Variants in ADAMTSL2 observed in about 807,000 individuals in gnomAD.
The protein encoded by ADAMTSL2 is ADAMTS-like protein 2.
A neutral mutation model predicts 117.0 loss-of-function variants in ADAMTSL2; 55 were observed. That is an observed-to-expected ratio of 0.47 (90% CI 0.38 to 0.59). The LOEUF (loss-of-function observed/expected upper bound fraction) is 0.59, where lower values mean the gene tolerates loss of function less well. Ranked by LOEUF, ADAMTSL2 falls within the 20% of genes least tolerant of loss-of-function variation. ADAMTSL2 has a pLI of 0.00. For synonymous variants in ADAMTSL2, 572 were observed against 566.4 expected (o/e 1.01, Z -0.14); for missense variants, 1,182 against 1,354.5 (o/e 0.87, Z 2.00).
Position 133,544,498 on chromosome 9 carries a change from T to G in ADAMTSL2, c.711T>G (p.Ala237=). 6.2e-7 allele frequency: 1 copy of G among 1,614,208 alleles called. No individual in the cohort carries two copies. Among genetic ancestry groups the G allele is most frequent in the Middle Eastern group, 1.7e-4 (1 of 6,060 alleles). Residue 237 remains alanine, a synonymous_variant, in exon 8 of 19, where the codon GCT becomes GCG. Coordinates refer to ENST00000651351, the MANE Select transcript of ADAMTSL2 (RefSeq NM_014694.4). ...ACTCTCTGGTGACCCACATCCCGGC[T>G]GGTGCCCGAGACATCCAGATTGTAG... is the stretch of plus-strand genomic sequence containing the variant. The part of the protein sequence containing the change: ...LGYSLVTHIP[A]GARDIQIVER...
chr9:133,555,600 A>G lies in ADAMTSL2; in HGVS notation c.1319A>G (p.Asp440Gly). 6.2e-7 allele frequency: 1 copy of G among 1,613,252 alleles called. No individual in the cohort carries two copies. Among genetic ancestry groups the G allele is most frequent in the East Asian group, 2.2e-5 (1 of 44,876 alleles). Reference protein sequence around the residue: ...TGTPLTGDKDDEEVDTHFASQ... With the variant: ...TGTPLTGDKDGEEVDTHFASQ... The stretch of plus-strand genomic sequence containing the variant: ...ACTCCTCTCACCGGGGACAAGGATG[A>G]CGAAGAGGTTGACACCCACTTCGCC... The change falls in exon 11 of 19, where the codon GAC (aspartate) becomes GGC (glycine). Residue 440 changes from aspartate to glycine, a missense_variant. Asp to Gly is a moderately conservative substitution (Grantham distance 94, BLOSUM62 -1). This residue lies in a region of ADAMTSL2 where 345 missense variants were observed against 325.8 expected (regional missense o/e 1.06). Coordinates refer to ENST00000651351, the MANE Select transcript of ADAMTSL2 (RefSeq NM_014694.4).
chr9:133,543,475 A>G (rs968142766), intron 7 of ADAMTSL2, among the ~76,000 whole-genome samples: 3 of 152,272 alleles, frequency 2.0e-5, no homozygotes, highest in Non-Finnish European at 2.9e-5. Context: ...GGCCAATGCT[A>G]CAAGTCACAG....
At chr9:133,534,527 C>T, upstream of ADAMTSL2, 1 of 673,286 alleles carries the variant, frequency 1.5e-6, no homozygotes, top group Non-Finnish European at 2.1e-6. Flanking sequence ...GGGCCGCCGC[C>T]GCCGGCAGCA....
At chr9:133,551,082 C>T (rs1451806300) in intron 9 of ADAMTSL2, among the ~76,000 whole-genome samples, 2 of 152,176 alleles carry the variant, frequency 1.3e-5, no homozygotes, top group Admixed American at 6.5e-5. Context: ...ACTCTCATCT[C>T]GGGCTGCCCT....
Position 133,537,435 on chromosome 9 carries a change from G to C in ADAMTSL2, c.121G>C (p.Gly41Arg). ...DNSPTSNSLE[G>R]GTDATAFWWG... The stretch of plus-strand genomic sequence containing the variant: ...CAGCCCAACATCCAATAGCCTGGAG[G>C]GGGGCACCGACGCCACGGCCTTCTG... Residue 41 changes from glycine (G) to arginine (R), a missense_variant, in exon 3 of 19, where the codon GGG becomes CGG. This residue lies in a region of ADAMTSL2 where 372 missense variants were observed against 463.4 expected (regional missense o/e 0.80). Coordinates refer to ENST00000651351, the MANE Select transcript of ADAMTSL2 (RefSeq NM_014694.4). The C allele has an allele frequency of 7.4e-7, 1 of 1,348,048 alleles. No individual in the cohort carries two copies. Among genetic ancestry groups the C allele is most frequent in the South Asian group, 2.4e-5 (1 of 41,136 alleles). 83.5% of individuals were successfully genotyped at this position (1,348,048 alleles called of 1,614,324 possible). A position where few individuals can be genotyped will look rare whatever the true frequency, so the allele number is the denominator to read the frequency against.
rs1239477316 is a variant in ADAMTSL2, at chr9:133,567,014, G to A, written c.1826G>A (p.Arg609His). Residue 609 changes from arginine to histidine, a missense_variant, in exon 13 of 19, where the codon CGT becomes CAT. This residue lies in a region of ADAMTSL2 where 465 missense variants were observed against 565.3 expected (regional missense o/e 0.82). Transcript: ENST00000651351. ...GACAGCTACTGTGACGCCCTGACCC[G>A]TCCCGAGCCTGTCCACGAGTTCTGC... ...VDDSYCDALT[R>H]PEPVHEFCAG... 1.7e-5 allele frequency: 28 copies of A among 1,611,206 alleles called. No homozygotes were observed. The highest frequency in any genetic ancestry group is 1.6e-4 in the Middle Eastern group (1 of 6,084).
intron 5 of ADAMTSL2, 64 bp downstream of exon 5, chr9:133,539,937 G>A (rs568831229): frequency 2.4e-5 from 35 of 1,479,144 alleles, no homozygotes; most frequent in Middle Eastern, 1.7e-4. Flanking sequence ...TAGCCCTTCC[G>A]GCACCTGGGA....
chr9:133,557,424 C>T lies in ADAMTSL2; in HGVS notation c.1649+1494C>T, dbSNP rs1830627727. Among the ~76,000 whole-genome samples the T allele has an allele frequency of 6.6e-6, 1 of 152,194 alleles. No homozygotes were observed. Among genetic ancestry groups the T allele is most frequent in the Non-Finnish European group, 1.5e-5 (1 of 68,032 alleles). On this transcript the variant is annotated intron_variant, in intron 11 of 18. Transcript: ENST00000651351. This position sits in a 1 kb window ranked among gnomAD's most constrained non-coding sequence, Gnocchi z 5.2. Reference sequence around the variant, plus strand: ...TCCCACAGGGGTGGCACAGGGCTGTCTGCTCACCCTTTACCTTGGCATGCT... The same window carrying T: ...TCCCACAGGGGTGGCACAGGGCTGTTTGCTCACCCTTTACCTTGGCATGCT...
chr9:133,562,362 G>A, intron 12 of ADAMTSL2, among the ~76,000 whole-genome samples: 1 of 152,262 alleles, frequency 6.6e-6, no homozygotes, highest in South Asian at 2.1e-4. Context: ...GCATAGCCAT[G>A]GGGCATGCTG....
chr9:133,533,550 G>GC (rs1223445519), upstream of ADAMTSL2, among the ~76,000 whole-genome samples: 1 of 152,218 alleles, frequency 6.6e-6, no homozygotes, highest in Non-Finnish European at 1.5e-5. Context: ...ACAGCTCTGG[G>GC]CCCGTAGGAC....
In ADAMTSL2 at chr9:133,567,411, G is replaced by T. The variant is rs933716720; in HGVS notation, c.1874+349G>T. On this transcript the variant is annotated intron_variant, in intron 13 of 18. Coordinates refer to ENST00000651351, the MANE Select transcript of ADAMTSL2 (RefSeq NM_014694.4). Reference sequence around the variant, plus strand: ...TATAAACTCAAGGGATTATTCCCAAGATTCCATGCCTATTGGCTGTCCCTT... The same window carrying T: ...TATAAACTCAAGGGATTATTCCCAATATTCCATGCCTATTGGCTGTCCCTT... 5.3e-5 allele frequency among the ~76,000 whole-genome samples: 8 copies of T among 152,350 alleles called. No individual in the cohort carries two copies. In the East Asian group the frequency reaches 1.2e-3, roughly 22 times the overall value.
chr9:133,568,288 C>A lies in ADAMTSL2; in HGVS notation c.1890C>A (p.Ser630Arg). The change falls in exon 14 of 19, where the codon AGC becomes AGA. Residue 630 changes from serine (S) to arginine (R), a missense_variant. Coordinates refer to ENST00000651351, the MANE Select transcript of ADAMTSL2 (RefSeq NM_014694.4). ...RECQPRWETSSWSECSRTCGE... is the reference protein window; with the variant it reads ...RECQPRWETSRWSECSRTCGE... ...CCCGGGGCAGGTGGGAGACGAGCAG[C>A]TGGAGCGAGTGTTCGCGCACCTGCG... The A allele has an allele frequency of 1.9e-6, 3 of 1,570,020 alleles. No individual in the cohort carries two copies. The highest frequency in any genetic ancestry group is 2.6e-6 in the Non-Finnish European group (3 of 1,158,960).
In ADAMTSL2 at chr9:133,536,614, G is replaced by T. The variant is rs760191683; in HGVS notation, c.-99G>T. 4.3e-6 allele frequency: 7 copies of T among 1,613,108 alleles called. 1 individual carries two copies. In the Admixed American group the frequency reaches 5.0e-5, roughly 12 times the overall value. On this transcript the variant is annotated 5_prime_UTR_variant, in exon 2 of 19. Coordinates refer to ENST00000651351, the MANE Select transcript of ADAMTSL2 (RefSeq NM_014694.4). ...AGTCCCAGATAACCTTGAGGCCTGG[G>T]CACTGGCTGGGCCCCGAGGGCTCTT...
chr9:133,555,724 C>G lies in ADAMTSL2; in HGVS notation c.1443C>G (p.Ile481Met). The G allele has an allele frequency of 6.2e-7, 1 of 1,614,040 alleles. No homozygotes were observed. Among genetic ancestry groups the G allele is most frequent in the South Asian group, 1.1e-5 (1 of 91,090 alleles). Reference sequence around the variant, plus strand: ...CCCTCAATGAGACTGTGAACAGCATCTTTGCACAGGGCGCCCCAAGGAGCT... The same window carrying G: ...CCCTCAATGAGACTGTGAACAGCATGTTTGCACAGGGCGCCCCAAGGAGCT... ...DFTLNETVNS[I>M]FAQGAPRSSL... The change falls in exon 11 of 19, where the codon ATC becomes ATG. Residue 481 changes from isoleucine (I) to methionine (M), a missense_variant. Around this residue, in one of 3 missense-constraint regions of ADAMTSL2, gnomAD observed 345 missense variants for 325.8 expected, o/e 1.06. Coordinates refer to ENST00000651351, the MANE Select transcript of ADAMTSL2 (RefSeq NM_014694.4).
Position 133,557,395 on chromosome 9 carries a change from C to G in ADAMTSL2, c.1649+1465C>G, listed in dbSNP as rs1217901070. Among the ~76,000 whole-genome samples the G allele has an allele frequency of 6.6e-6, 1 of 152,206 alleles. No homozygotes were observed. The highest frequency in any genetic ancestry group is 2.4e-5 in the African/African-American group (1 of 41,442). Reference sequence around the variant, plus strand: ...GCCTCGGAGCCTCCTCTGGCTGCCCCTCTTCCCACAGGGGTGGCACAGGGC... The same window carrying G: ...GCCTCGGAGCCTCCTCTGGCTGCCCGTCTTCCCACAGGGGTGGCACAGGGC... On this transcript the variant is annotated intron_variant, in intron 11 of 18. Transcript: ENST00000651351. This position sits in a 1 kb window ranked among gnomAD's most constrained non-coding sequence, Gnocchi z 5.2.
intron 2 of ADAMTSL2, 28 bp from the exon 3 acceptor site, chr9:133,537,377 C>T: frequency 7.5e-7 from 1 of 1,333,672 alleles, no homozygotes; most frequent in Non-Finnish European, 9.7e-7. Flanking sequence ...CTTGAGCCCT[C>T]TACCATCTGG....
chr9:133,563,721 G>A (rs1384933896), intron 12 of ADAMTSL2, among the ~76,000 whole-genome samples: 2 of 151,612 alleles, frequency 1.3e-5, no homozygotes, highest in Admixed American at 6.6e-5. Context: ...AGAAAGACAG[G>A]TTTTGGCTTT....
At chr9:133,547,364 T>G in intron 9 of ADAMTSL2, 151 bp downstream of exon 9, 1 of 712,788 alleles carries the variant, frequency 1.4e-6, no homozygotes, top group Non-Finnish European at 2.4e-6. Flanking sequence ...GGGCTGGGGC[T>G]TCACGTTCAA....
chr9:133,533,120 G>A (rs139901961), upstream of ADAMTSL2, among the ~76,000 whole-genome samples: 55 of 152,220 alleles, frequency 3.6e-4, no homozygotes, highest in East Asian at 8.3e-3. Context: ...CACCCAGAGC[G>A]AGTGTAATCC....
Sources: allele counts gnomAD v4.1 joint callset (sites outside exome capture counted in the v4.1 genomes callset), GRCh38; gene constraint gnomAD v4.1.1; regional missense constraint gnomAD v4.1.1; non-coding constraint Gnocchi (gnomAD v3.1); transcripts MANE v1.5; gene names NCBI Gene and HGNC (gene_info 2026-07-23, HGNC 2026-07-21).